Variants in PHLPP1 observed in about 807,000 individuals in gnomAD.
PHLPP1 encodes PH domain and leucine rich repeat protein phosphatase 1.
Under a neutral mutation model 117.2 loss-of-function variants are expected in PHLPP1, and 42 were observed. The ratio of observed to expected loss-of-function variants is 0.36; its 90% CI spans 0.28 to 0.46. The LOEUF is 0.46. PHLPP1 is among the 20% of genes least tolerant of loss of function. PHLPP1 has a pLI of 1.00. For missense variants in PHLPP1, 2,084 were observed against 2,241.9 expected (o/e 0.93, Z 1.42); for synonymous variants, 1,042 against 970.7 (o/e 1.07, Z -1.37).
In PHLPP1 at chr18:62,836,432, AAAATAAATAAATAAATAAATAAAT is replaced by A. The variant is rs370894334; in HGVS notation, c.1774-2320_1774-2297del. ...GGGCAACAGAGCGAGACTCCATCTA[AAAATAAATAAATAAATAAATAAAT>A]AAATAAATAAATAAATAAATAAATA... On this transcript the variant is annotated intron_variant, in intron 2 of 16. Coordinates refer to ENST00000262719, the MANE Select transcript of PHLPP1 (RefSeq NM_194449.4). Among the ~76,000 whole-genome samples, 404 of 136,966 alleles carry A rather than the reference AAAATAAATAAATAAATAAATAAAT, an allele frequency of 2.9e-3. 3 individuals are homozygous for A. Among genetic ancestry groups the A allele is most frequent in the African/African-American group, 9.6e-3 (354 of 36,938 alleles). 89.9% of individuals were successfully genotyped at this position (136,966 alleles called of 152,430 possible). A position where few individuals can be genotyped will look rare whatever the true frequency, so the allele number is the denominator to read the frequency against.
At chr18:62,956,335 C>G (rs1431219983) in intron 12 of PHLPP1, among the ~76,000 whole-genome samples, 2 of 152,154 alleles carry the variant, frequency 1.3e-5, no homozygotes, top group African/African-American at 2.4e-5. Flanking sequence ...AGTGAACAAG[C>G]TGACTGGGCC....
intron 1 of PHLPP1, among the ~76,000 whole-genome samples, chr18:62,808,742 C>T (rs1488802503): frequency 2.0e-5 from 3 of 152,030 alleles, no homozygotes; most frequent in Middle Eastern, 3.4e-3. Flanking sequence ...TTAGTAGAGA[C>T]GGGATTTCTC....
chr18:62,771,277 G>A (rs111473420), intron 1 of PHLPP1, among the ~76,000 whole-genome samples: 2 of 151,770 alleles, frequency 1.3e-5, no homozygotes, highest in African/African-American at 4.8e-5. Flanking sequence ...GATCATCTGA[G>A]GTGGTTTGGC....
At chr18:62,828,621 A>G (rs1914672643) in intron 1 of PHLPP1, among the ~76,000 whole-genome samples, 1 of 152,158 alleles carries the variant, frequency 6.6e-6, no homozygotes, top group African/African-American at 2.4e-5. Flanking sequence ...TGCCCAAAGT[A>G]TGTATTGGGA....
At chr18:62,786,191 T>A (rs747034520) in intron 1 of PHLPP1, among the ~76,000 whole-genome samples, 2 of 152,220 alleles carry the variant, frequency 1.3e-5, no homozygotes, top group Non-Finnish European at 2.9e-5. Context: ...GTTTTTAAAG[T>A]GTTCCTTGCA....
chr18:62,967,842 T>C (rs989570578), intron 14 of PHLPP1, among the ~76,000 whole-genome samples: 5 of 151,876 alleles, frequency 3.3e-5, no homozygotes, highest in Non-Finnish European at 5.9e-5. Context: ...TTTTTTTTTT[T>C]AGACAGCGTT....
chr18:62,890,727 A>G (rs928440667), intron 4 of PHLPP1, among the ~76,000 whole-genome samples: 1 of 152,194 alleles, frequency 6.6e-6, no homozygotes, highest in Admixed American at 6.5e-5. Context: ...CCAAAAGCCA[A>G]TGCTTTCATT....
At chr18:62,848,095 T>C (rs1017239981) in intron 3 of PHLPP1, among the ~76,000 whole-genome samples, 14 of 152,206 alleles carry the variant, frequency 9.2e-5, no homozygotes, top group Admixed American at 9.2e-4. Context: ...ATAGATTTTT[T>C]TGGGTGCTCT....
chr18:62,880,077 A>ATT (rs1240996946), intron 4 of PHLPP1, among the ~76,000 whole-genome samples: 1 of 152,156 alleles, frequency 6.6e-6, no homozygotes, highest in Non-Finnish European at 1.5e-5. Flanking sequence ...GGTGAAAACC[A>ATT]TGTCTAAATC....
chr18:62,855,653 C>G (rs1915476178), intron 3 of PHLPP1, among the ~76,000 whole-genome samples: 1 of 152,210 alleles, frequency 6.6e-6, no homozygotes, highest in African/African-American at 2.4e-5. Context: ...TTGCTTGTAG[C>G]CTCGTTAATG....
intron 12 of PHLPP1, among the ~76,000 whole-genome samples, chr18:62,946,137 A>G (rs1241373897): frequency 6.6e-6 from 1 of 152,256 alleles, no homozygotes; most frequent in Non-Finnish European, 1.5e-5. Flanking sequence ...ATCTCCTAAC[A>G]GGGAACAAGA....
At chr18:62,721,473 G>T (rs993417464) in intron 1 of PHLPP1, among the ~76,000 whole-genome samples, 2 of 151,636 alleles carry the variant, frequency 1.3e-5, no homozygotes, top group Non-Finnish European at 2.9e-5. Context: ...TGACAGTTCA[G>T]TTGCTTTAAA....
At chr18:62,847,609 T>C (rs982311481) in intron 3 of PHLPP1, among the ~76,000 whole-genome samples, 1 of 152,228 alleles carries the variant, frequency 6.6e-6, no homozygotes, top group African/African-American at 2.4e-5. Flanking sequence ...TGTAAGGTAG[T>C]TGACAAGAAG....
At chr18:62,753,080 C>T (rs1278843277) in intron 1 of PHLPP1, among the ~76,000 whole-genome samples, 1 of 152,070 alleles carries the variant, frequency 6.6e-6, no homozygotes, top group Non-Finnish European at 1.5e-5. Flanking sequence ...CATAGGAAAC[C>T]AGGTAATAGA....
intron 8 of PHLPP1, among the ~76,000 whole-genome samples, chr18:62,911,133 CT>C: frequency 8.9e-5 from 2 of 22,362 alleles, no homozygotes; most frequent in Non-Finnish European, 2.0e-4. Context: ...TTCCTTACAC[CT>C]TTTACAAAAA....
chr18:62,969,058 G>A (rs544697752), intron 14 of PHLPP1, among the ~76,000 whole-genome samples: 2 of 151,530 alleles, frequency 1.3e-5, no homozygotes, highest in South Asian at 4.2e-4. Context: ...GGTTTTTTGG[G>A]TTTTTTTGTT....
intron 1 of PHLPP1, among the ~76,000 whole-genome samples, chr18:62,741,378 CTA>C (rs1911522638): frequency 6.6e-6 from 1 of 152,028 alleles, no homozygotes; most frequent in Admixed American, 6.6e-5. Flanking sequence ...TTCCCTGAGT[CTA>C]CTTAGTCAAT....
chr18:62,862,172 C>T (rs1258463654), intron 4 of PHLPP1, among the ~76,000 whole-genome samples: 4 of 151,996 alleles, frequency 2.6e-5, no homozygotes, highest in Admixed American at 2.0e-4. Context: ...CACTGCCTCC[C>T]GCGTTCTAGT....
At chr18:62,720,933 A>G (rs1341543249) in intron 1 of PHLPP1, among the ~76,000 whole-genome samples, 2 of 152,124 alleles carry the variant, frequency 1.3e-5, no homozygotes, top group Non-Finnish European at 1.5e-5. Context: ...AGATGGAGAA[A>G]CTGATGCACA....
Sources: gnomAD v4.1 joint callset for allele counts (sites outside exome capture counted in the v4.1 genomes callset) on GRCh38, gnomAD v4.1.1 for gene constraint, MANE v1.5 for transcripts, NCBI Gene and HGNC (gene_info 2026-07-23, HGNC 2026-07-21) for gene names.